EPC1: variants seen among roughly 807,000 people sequenced by gnomAD.
The protein encoded by EPC1 is enhancer of polycomb homolog 1.
Under a neutral mutation model 98.4 loss-of-function variants are expected in EPC1, and 12 were observed. That is an observed-to-expected ratio of 0.12 (90% CI 0.08 to 0.20). The LOEUF is 0.20. EPC1 is among the 10% of genes least tolerant of loss of function. EPC1 has a pLI of 1.00. For missense variants in EPC1, 729 were observed against 990.5 expected, an observed-to-expected ratio of 0.74 and a Z score of 3.54; for synonymous variants, 357 against 363.9, an observed-to-expected ratio of 0.98 and a Z score of 0.21.
At chr10:32,352,182 C>A (rs566182399), upstream of EPC1, among the ~76,000 whole-genome samples, 17 of 149,038 alleles carry the variant, frequency 1.1e-4, no homozygotes, top group Non-Finnish European at 2.2e-4. Context: ...GTAGCTGGGA[C>A]TACAGGCACC....
chr10:32,343,391 A>G (rs1838502091), intron 1 of EPC1, among the ~76,000 whole-genome samples: 1 of 152,034 alleles, frequency 6.6e-6, no homozygotes, highest in South Asian at 2.1e-4. Context: ...TTGTATTTTT[A>G]GTAGAGACAG....
At chr10:32,332,507 G>C (rs1837699011) in intron 1 of EPC1, among the ~76,000 whole-genome samples, 1 of 152,188 alleles carries the variant, frequency 6.6e-6, no homozygotes, top group Admixed American at 6.5e-5. Context: ...TAAAAGACTT[G>C]CGTGCTGTCT....
intron 1 of EPC1, among the ~76,000 whole-genome samples, chr10:32,312,615 A>T (rs1836308334): frequency 6.6e-6 from 1 of 152,138 alleles, no homozygotes; most frequent in African/African-American, 2.4e-5. Flanking sequence ...TAAGCAACAT[A>T]AGAGAAGGGA....
At chr10:32,354,081 C>T (rs1031181411) in intron 1 of EPC1, among the ~76,000 whole-genome samples, 1 of 152,080 alleles carries the variant, frequency 6.6e-6, no homozygotes, top group Admixed American at 6.6e-5. Context: ...GCATGGAGGT[C>T]TGTACATAAT....
chr10:32,271,153 G>T (rs537174505), intron 13 of EPC1, among the ~76,000 whole-genome samples: 1 of 152,048 alleles, frequency 6.6e-6, no homozygotes, highest in African/African-American at 2.4e-5. Context: ...CACCATGCCC[G>T]GGTGATTTTG....
chr10:32,272,968 T>TAAC, intron 11 of EPC1, 195 bp downstream of exon 11: 1 of 1,532,548 alleles, frequency 6.5e-7, no homozygotes, highest in Non-Finnish European at 9.0e-7. Context: ...GTGCTTTAGT[T>TAAC]TTACTTTTTA....
chr10:32,329,620 T>C (rs1190326527), intron 1 of EPC1, among the ~76,000 whole-genome samples: 2 of 152,172 alleles, frequency 1.3e-5, no homozygotes, highest in African/African-American at 4.8e-5. Flanking sequence ...TAACTCTAAA[T>C]TACAATAGGA....
chr10:32,365,463 C>T (rs1839571814), intron 1 of EPC1, among the ~76,000 whole-genome samples: 1 of 152,052 alleles, frequency 6.6e-6, no homozygotes, highest in African/African-American at 2.4e-5. Flanking sequence ...ACAACAAGAA[C>T]AATAACAGTC....
chr10:32,350,905 T>C (rs1332664967), upstream of EPC1, among the ~76,000 whole-genome samples: 1 of 152,242 alleles, frequency 6.6e-6, no homozygotes, highest in Non-Finnish European at 1.5e-5. Context: ...TACTTCCCAA[T>C]TTCCATTTCC....
rs1227881256 is a variant in EPC1 at position 32,271,668 on chromosome 10, C to G, written c.2255G>C (p.Arg752Pro). 1 of 1,614,134 alleles carries G rather than the reference C, an allele frequency of 6.2e-7. No homozygotes were observed. The highest frequency in any genetic ancestry group is 2.2e-5 in the East Asian group (1 of 44,882). The change falls in exon 13 of 14, where the codon CGA becomes CCA. Residue 752 changes from arginine to proline, a missense_variant. Around this residue, in one of 6 missense-constraint regions of EPC1, gnomAD observed 156 missense variants for 188.9 expected, o/e 0.83. Coordinates refer to ENST00000319778, the MANE Select transcript of EPC1 (RefSeq NM_001272004.3). ...TVNSIAPINA[R>P]HIPRTLSAVP... ...AGCACTTAAAGTCCTAGGTATATGT[C>G]GTGCATTTATTGGGGCAATAGAGTT...
At chr10:32,376,213 G>C (rs1391178561) in intron 1 of EPC1, among the ~76,000 whole-genome samples, 2 of 151,968 alleles carry the variant, frequency 1.3e-5, no homozygotes, top group African/African-American at 2.4e-5. Context: ...CAATGATGTA[G>C]GAGAACAAAG....
At chr10:32,298,596 G>A (rs1835309263) in intron 2 of EPC1, among the ~76,000 whole-genome samples, 1 of 152,200 alleles carries the variant, frequency 6.6e-6, no homozygotes, top group Non-Finnish European at 1.5e-5. Flanking sequence ...ATAGGTATTT[G>A]ACATCCTTGC....
At chr10:32,281,526 C>T (rs1836408729) in intron 10 of EPC1, among the ~76,000 whole-genome samples, 1 of 152,146 alleles carries the variant, frequency 6.6e-6, no homozygotes, top group African/African-American at 2.4e-5. Flanking sequence ...AGATGCTTAA[C>T]CTATGAATAA....
intron 1 of EPC1, among the ~76,000 whole-genome samples, chr10:32,355,956 T>C (rs1839263617): frequency 6.6e-6 from 1 of 152,188 alleles, no homozygotes; most frequent in Non-Finnish European, 1.5e-5. Flanking sequence ...GCATTAGTTT[T>C]ACTAAGTAAT....
chr10:32,301,038 A>ATATTTATTTATC (rs71299736), intron 2 of EPC1, among the ~76,000 whole-genome samples: 90 of 143,108 alleles, frequency 6.3e-4, no homozygotes, highest in African/African-American at 2.3e-3. Flanking sequence ...AAGCACATTT[A>ATATTTATTTATC]TATCTATCTA....
At chr10:32,311,096 G>T (rs1370938987) in intron 1 of EPC1, among the ~76,000 whole-genome samples, 1 of 152,140 alleles carries the variant, frequency 6.6e-6, no homozygotes, top group African/African-American at 2.4e-5. Context: ...GGATCACGAG[G>T]TCAGGAGATC....
intron 10 of EPC1, among the ~76,000 whole-genome samples, chr10:32,277,756 T>C (rs1836175355): frequency 6.6e-6 from 1 of 152,118 alleles, no homozygotes; most frequent in Admixed American, 6.5e-5. Flanking sequence ...TTTGTAGAGA[T>C]GGGTGTTTCA....
At chr10:32,301,244 T>C (rs577210623) in intron 2 of EPC1, among the ~76,000 whole-genome samples, 1 of 152,280 alleles carries the variant, frequency 6.6e-6, no homozygotes, top group South Asian at 2.1e-4. Context: ...AGGATCTGTA[T>C]AATGAAAATT....
chr10:32,324,232 C>T lies in EPC1; in HGVS notation c.154-18301G>A, dbSNP rs188713006. 1.1e-3 allele frequency among the ~76,000 whole-genome samples: 163 copies of T among 151,860 alleles called. 1 individual carries two copies. The highest frequency in any genetic ancestry group is 3.4e-3 in the Middle Eastern group (1 of 294). On this transcript the variant is annotated intron_variant, in intron 1 of 13. Coordinates refer to ENST00000319778, the MANE Select transcript of EPC1 (RefSeq NM_001272004.3). ...GATTACAGGCGTGAGCCACTGCGCC[C>T]GGCCTAGTTATTCTTTAATAAATAA...
Sources: gnomAD v4.1 joint callset for allele counts (sites outside exome capture counted in the v4.1 genomes callset) on GRCh38, gnomAD v4.1.1 for gene constraint, gnomAD v4.1.1 regional missense constraint, MANE v1.5 for transcripts, NCBI Gene and HGNC (gene_info 2026-07-23, HGNC 2026-07-21) for gene names.